Variants in RNF13 observed in about 807,000 individuals in gnomAD.
The protein encoded by RNF13 is E3 ubiquitin-protein ligase RNF13.
RNF13 carries 19 observed loss-of-function variants against 37.7 expected under a neutral mutation model. That is an observed-to-expected ratio of 0.50 (90% confidence interval 0.35 to 0.74). The LOEUF is 0.74. Ranked by LOEUF, RNF13 falls within the 30% of genes least tolerant of loss-of-function variation. The pLI, the probability that RNF13 is intolerant of heterozygous loss-of-function variation, is 0.01. For missense variants in RNF13, 375 were observed against 453.0 expected (o/e 0.83, Z 1.56); for synonymous variants, 144 against 157.8 (o/e 0.91, Z 0.65).
intron 3 of RNF13, among the ~76,000 whole-genome samples, chr3:149,870,351 G>GT (rs934625004): frequency 1.3e-5 from 2 of 151,390 alleles, no homozygotes; most frequent in East Asian, 1.9e-4. Flanking sequence ...TCTGCTGGGA[G>GT]TTTTTTTTAC....
intron 1 of RNF13, among the ~76,000 whole-genome samples, chr3:149,844,060 C>T (rs929718327): frequency 2.0e-5 from 3 of 152,140 alleles, no homozygotes; most frequent in African/African-American, 7.2e-5. Context: ...TTCAGTTTCC[C>T]AAAGAGGTCA....
chr3:149,877,470 G>GTT (rs1712858188), intron 4 of RNF13, among the ~76,000 whole-genome samples: 1 of 109,952 alleles, frequency 9.1e-6, no homozygotes, highest in African/African-American at 3.5e-5. Context: ...TTTTCTTTCT[G>GTT]TCTTTTTTTT....
intron 8 of RNF13, among the ~76,000 whole-genome samples, chr3:149,923,944 A>G (rs1433281344): frequency 6.6e-6 from 1 of 152,148 alleles, no homozygotes; most frequent in African/African-American, 2.4e-5. Context: ...GACATTAAGA[A>G]TAGGTTATTA....
Position 149,961,068 on chromosome 3 carries a change from T to C in RNF13, c.1110T>C (p.Asn370=), listed in dbSNP as rs1559981268. 3 of 1,613,490 alleles carry C rather than the reference T, an allele frequency of 1.9e-6. No individual in the cohort carries two copies. Among genetic ancestry groups the C allele is most frequent in the Non-Finnish European group, 2.5e-6 (3 of 1,179,582 alleles). ...EHDVVVQLQP[N]GERDYNIANT... is the part of the protein sequence containing the mutation. ...ATGTCGTGGTCCAGTTGCAGCCTAA[T>C]GGTGAACGGGATTACAACATAGCAA... is the stretch of plus-strand genomic sequence containing the variant. Residue 370 remains asparagine, a synonymous_variant, in exon 10 of 10, where the codon AAT becomes AAC. Transcript: ENST00000392894.
intron 5 of RNF13, among the ~76,000 whole-genome samples, chr3:149,898,609 T>C (rs564816998): frequency 6.6e-5 from 10 of 152,262 alleles, no homozygotes; most frequent in African/African-American, 2.4e-4. Context: ...GTTATTTAGT[T>C]GCGATGAAGA....
chr3:149,842,833 GA>G (rs1174665555), intron 1 of RNF13, among the ~76,000 whole-genome samples: 7 of 152,092 alleles, frequency 4.6e-5, no homozygotes, highest in Non-Finnish European at 8.8e-5. Flanking sequence ...AATAGATTAA[GA>G]AAAAATAATG....
chr3:149,925,539 C>T (rs111507432), intron 8 of RNF13, among the ~76,000 whole-genome samples: 8 of 152,088 alleles, frequency 5.3e-5, no homozygotes, highest in Non-Finnish European at 7.4e-5. Context: ...GAAATTTATA[C>T]ACTTAGTTGC....
At chr3:149,949,263 T>G (rs1303471104) in intron 8 of RNF13, among the ~76,000 whole-genome samples, 1 of 152,066 alleles carries the variant, frequency 6.6e-6, no homozygotes, top group Non-Finnish European at 1.5e-5. Flanking sequence ...TCTGAGAAAG[T>G]CTTAATTTCT....
chr3:149,909,269 C>G (rs1048863077), intron 6 of RNF13, among the ~76,000 whole-genome samples: 3 of 151,098 alleles, frequency 2.0e-5, no homozygotes, highest in African/African-American at 7.3e-5. Flanking sequence ...ATTCAAGATG[C>G]TCAAAACCTT....
intron 6 of RNF13, among the ~76,000 whole-genome samples, chr3:149,907,984 A>G (rs968318139): frequency 3.3e-5 from 5 of 152,182 alleles, no homozygotes; most frequent in East Asian, 1.9e-4. Flanking sequence ...AGGAAAGCCA[A>G]TGTTTTCCCC....
At chr3:149,841,855 C>T (rs1237304882) in intron 1 of RNF13, among the ~76,000 whole-genome samples, 1 of 152,176 alleles carries the variant, frequency 6.6e-6, no homozygotes, top group Non-Finnish European at 1.5e-5. Context: ...GTCTGGAACT[C>T]CTGACCTCAG....
chr3:149,913,583 G>C (rs1346009116), intron 7 of RNF13, among the ~76,000 whole-genome samples: 1 of 152,098 alleles, frequency 6.6e-6, no homozygotes, highest in Non-Finnish European at 1.5e-5. Context: ...ATACCACATT[G>C]TATTTCATTA....
chr3:149,898,135 C>A (rs9870424), intron 5 of RNF13, among the ~76,000 whole-genome samples: 2 of 151,898 alleles, frequency 1.3e-5, no homozygotes, highest in African/African-American at 2.4e-5. Context: ...ATTATTTGAC[C>A]TGACAAATTT....
intron 8 of RNF13, among the ~76,000 whole-genome samples, chr3:149,953,612 G>A (rs1042037676): frequency 3.9e-5 from 6 of 152,128 alleles, no homozygotes; most frequent in Non-Finnish European, 8.8e-5. Context: ...ATTTAAATGT[G>A]ACCAAAAATT....
At chr3:149,929,270 C>G (rs1228047721) in intron 8 of RNF13, among the ~76,000 whole-genome samples, 1 of 152,160 alleles carries the variant, frequency 6.6e-6, no homozygotes, top group East Asian at 1.9e-4. Context: ...GGCATCAGGA[C>G]AGAGTGAGTG....
chr3:149,952,707 C>G (rs1227547400), intron 8 of RNF13, among the ~76,000 whole-genome samples: 1 of 151,962 alleles, frequency 6.6e-6, no homozygotes, highest in East Asian at 1.9e-4. Flanking sequence ...TCAAGCGATT[C>G]TCCTGCCTCA....
At chr3:149,939,549 T>C (rs1384318836) in intron 8 of RNF13, 1 of 591,470 alleles carries the variant, frequency 1.7e-6, no homozygotes, top group Non-Finnish European at 3.2e-6. Context: ...CCATTGGCTG[T>C]ACAGACATTT....
intron 8 of RNF13, among the ~76,000 whole-genome samples, chr3:149,933,933 A>G (rs1166080354): frequency 1.3e-5 from 2 of 152,084 alleles, no homozygotes; most frequent in Non-Finnish European, 2.9e-5. Context: ...ATATACAATC[A>G]TGTCATCTGT....
At chr3:149,872,830 CCT>C (rs1712234084) in intron 4 of RNF13, among the ~76,000 whole-genome samples, 1 of 152,162 alleles carries the variant, frequency 6.6e-6, no homozygotes, top group African/African-American at 2.4e-5. Flanking sequence ...GAAAAACCGC[CCT>C]GTCATGCTGT....
Sources: allele counts gnomAD v4.1 joint callset (sites outside exome capture counted in the v4.1 genomes callset), GRCh38; gene constraint gnomAD v4.1.1; transcripts MANE v1.5; gene names NCBI Gene and HGNC (gene_info 2026-07-23, HGNC 2026-07-21).